The following MARK3 variants were observed in gnomAD, a reference collection of about 807,000 sequenced individuals.
The protein encoded by MARK3 is MAP/microtubule affinity-regulating kinase 3.
MARK3 carries 46 observed loss-of-function variants against 90.1 expected under a neutral mutation model. The observed-to-expected ratio is 0.51, with a 90% CI of 0.40 to 0.65. MARK3 has a LOEUF of 0.65. Ranked by LOEUF, MARK3 falls within the 30% of genes least tolerant of loss-of-function variation. The pLI, the probability that MARK3 is intolerant of heterozygous loss-of-function variation, is 0.00. For synonymous variants in MARK3, 321 were observed against 332.6 expected, an observed-to-expected ratio of 0.97 and a Z score of 0.38; for missense variants, 818 against 947.2, an observed-to-expected ratio of 0.86 and a Z score of 1.79.
chr14:103,466,327 A>C lies in MARK3; in HGVS notation c.898-16A>C. On this transcript the variant is annotated splice_polypyrimidine_tract_variant and intron_variant, in intron 9 of 17. Coordinates refer to ENST00000429436, the MANE Select transcript of MARK3 (RefSeq NM_001128918.3). The stretch of plus-strand genomic sequence containing the variant: ...ATTTCATTTTACTCTGCTAATGAAC[A>C]GTTTACCTTTTTTAGCAAATCATGA... The C allele has an allele frequency of 6.4e-7, 1 of 1,557,834 alleles. No homozygotes were observed. Among genetic ancestry groups the C allele is most frequent in the Non-Finnish European group, 8.8e-7 (1 of 1,133,482 alleles).
intron 3 of MARK3, among the ~76,000 whole-genome samples, chr14:103,438,343 T>G (rs1186552465): frequency 6.6e-6 from 1 of 152,184 alleles, no homozygotes; most frequent in Non-Finnish European, 1.5e-5. Flanking sequence ...GGTAAGTAGG[T>G]TAAAGCTCTC....
intron 2 of MARK3, among the ~76,000 whole-genome samples, chr14:103,420,810 C>T (rs1386987134): frequency 6.6e-6 from 1 of 152,140 alleles, no homozygotes; most frequent in Admixed American, 6.5e-5. Flanking sequence ...TATGCACATC[C>T]CTAGTTGAGG....
chr14:103,414,900 A>G (rs573994041), intron 2 of MARK3, among the ~76,000 whole-genome samples: 4 of 152,262 alleles, frequency 2.6e-5, no homozygotes, highest in Admixed American at 6.5e-5. Context: ...TAGGAGGCCA[A>G]GGTGGGCAGA....
chr14:103,434,471 A>C (rs531864824), intron 3 of MARK3, among the ~76,000 whole-genome samples: 1 of 152,306 alleles, frequency 6.6e-6, no homozygotes, highest in Non-Finnish European at 1.5e-5. Context: ...AGTAAGGAAA[A>C]ATTAAGAGGG....
chr14:103,395,857 T>C (rs1456954882), intron 1 of MARK3, among the ~76,000 whole-genome samples: 1 of 152,170 alleles, frequency 6.6e-6, no homozygotes, highest in African/African-American at 2.4e-5. Flanking sequence ...TTTCTGTTTG[T>C]TTAAGGCTGA....
At chr14:103,493,886 A>C (rs1050846125) in intron 15 of MARK3, among the ~76,000 whole-genome samples, 6 of 151,470 alleles carry the variant, frequency 4.0e-5, no homozygotes, top group Non-Finnish European at 7.4e-5. Context: ...AAAAAAAAAA[A>C]AAAAAAACTT....
At chr14:103,443,464 T>G (rs2092913073) in intron 3 of MARK3, among the ~76,000 whole-genome samples, 1 of 152,204 alleles carries the variant, frequency 6.6e-6, no homozygotes, top group Non-Finnish European at 1.5e-5. Context: ...GACTAAATAC[T>G]GGTACATTTA....
intron 2 of MARK3, among the ~76,000 whole-genome samples, chr14:103,406,694 CT>C (rs1317673968): frequency 6.8e-6 from 1 of 148,140 alleles, no homozygotes; most frequent in Non-Finnish European, 1.5e-5. Context: ...GCTCCGCCTT[CT>C]GGGTTCAAGC....
chr14:103,398,475 T>G (rs983538739), intron 1 of MARK3, among the ~76,000 whole-genome samples: 1 of 152,210 alleles, frequency 6.6e-6, no homozygotes, highest in Non-Finnish European at 1.5e-5. Flanking sequence ...TTGCGGGGGT[T>G]GGTGATTTTT....
intron 3 of MARK3, among the ~76,000 whole-genome samples, chr14:103,429,763 T>G (rs1303217835): frequency 6.6e-6 from 1 of 152,216 alleles, no homozygotes; most frequent in Non-Finnish European, 1.5e-5. Context: ...ACATTAGAGT[T>G]TAATACAATG....
chr14:103,424,417 C>T (rs1018887046), intron 2 of MARK3, among the ~76,000 whole-genome samples: 5 of 151,338 alleles, frequency 3.3e-5, no homozygotes, highest in Non-Finnish European at 5.9e-5. Context: ...TCCATCTACT[C>T]GGGAGGCTGA....
rs2093802139 is a variant in MARK3 at position 103,480,496 on chromosome 14, A to C, written c.1586+6A>C. On this transcript the variant is annotated splice_donor_region_variant and intron_variant, in intron 14 of 17. Transcript: ENST00000429436. Reference sequence around the variant, plus strand: ...CAGAATGGCAAAGAAAACAGGTAGGAGATTCTACCTGTTTGTAAGAAAAGT... The same window carrying C: ...CAGAATGGCAAAGAAAACAGGTAGGCGATTCTACCTGTTTGTAAGAAAAGT... 1.3e-6 allele frequency: 2 copies of C among 1,562,326 alleles called. No homozygotes were observed. Among genetic ancestry groups the C allele is most frequent in the South Asian group, 2.3e-5 (2 of 87,838 alleles).
At chr14:103,499,024 A>G (rs376953702) in intron 16 of MARK3, 1 of 152,302 alleles carries the variant, frequency 6.6e-6, no homozygotes, top group South Asian at 2.1e-4. Flanking sequence ...GCCTCATTTG[A>G]TTTGGCTTTT....
At chr14:103,455,187 C>G (rs1458420939) in intron 5 of MARK3, among the ~76,000 whole-genome samples, 1 of 152,100 alleles carries the variant, frequency 6.6e-6, no homozygotes, top group Non-Finnish European at 1.5e-5. Flanking sequence ...ATCTGTGTTA[C>G]TCTACAACAG....
chr14:103,450,952 A>G (rs899761741), intron 4 of MARK3, among the ~76,000 whole-genome samples: 2 of 75,632 alleles, frequency 2.6e-5, no homozygotes, highest in Admixed American at 2.1e-4. Context: ...TTTTTTTGAG[A>G]CAGGGTCTAG....
chr14:103,454,771 GA>G (rs1421394812), intron 5 of MARK3, among the ~76,000 whole-genome samples: 1 of 152,174 alleles, frequency 6.6e-6, no homozygotes, highest in Non-Finnish European at 1.5e-5. Flanking sequence ...AATTTTTACA[GA>G]TGAAACTGAA....
chr14:103,474,967 T>C lies in MARK3; in HGVS notation c.1265-26T>C, dbSNP rs754226165. ...TAAAACTTGAAACTATATTCAGTCA[T>C]TTAAAAAATGAACTCTTTATTTTAG... On this transcript the variant is annotated intron_variant, in intron 12 of 17. Transcript: ENST00000429436. The C allele has an allele frequency of 1.4e-5, 22 of 1,567,638 alleles. No homozygotes were observed. In the South Asian group the frequency reaches 2.5e-4, roughly 17 times the overall value.
At chr14:103,403,326 TTGTGTGTGTGTGTGTGTG>T (rs59913493) in intron 1 of MARK3, among the ~76,000 whole-genome samples, 57 of 138,542 alleles carry the variant, frequency 4.1e-4, no homozygotes, top group East Asian at 3.4e-3. Context: ...TAGTGCCTGG[TTGTGTGTGTGTGTGTGTG>T]TGTGTGTGTG....
chr14:103,430,725 T>C (rs192639990), intron 3 of MARK3, among the ~76,000 whole-genome samples: 9 of 152,346 alleles, frequency 5.9e-5, no homozygotes, highest in African/African-American at 1.9e-4. Flanking sequence ...CATGAACATT[T>C]ACTAAATGCA....
Sources: gnomAD v4.1 joint callset for allele counts (sites outside exome capture counted in the v4.1 genomes callset) on GRCh38, gnomAD v4.1.1 for gene constraint, MANE v1.5 for transcripts, NCBI Gene and HGNC (gene_info 2026-07-23, HGNC 2026-07-21) for gene names.